RAB3C: variants seen among roughly 807,000 people sequenced by gnomAD.
The protein encoded by RAB3C is RAB3C, member RAS oncogene family.
A neutral mutation model predicts 26.4 loss-of-function variants in RAB3C; 17 were observed. The ratio of observed to expected loss-of-function variants is 0.64; its 90% CI spans 0.44 to 0.97. The LOEUF is 0.97. Ranked by LOEUF, RAB3C falls within the 50% of genes least tolerant of loss-of-function variation. RAB3C has a pLI of 0.00. For missense variants in RAB3C, 242 were observed against 281.9 expected, an observed-to-expected ratio of 0.86 and a Z score of 1.01; for synonymous variants, 91 against 95.9, an observed-to-expected ratio of 0.95 and a Z score of 0.30.
At chr5:58,764,292 G>A (rs1346246594) in intron 3 of RAB3C, among the ~76,000 whole-genome samples, 1 of 143,560 alleles carries the variant, frequency 7.0e-6, no homozygotes, top group Non-Finnish European at 1.5e-5. Context: ...TGTGCCCACG[G>A]CTATGGCCTT....
At chr5:58,636,145 TTGGA>T (rs1048942839) in intron 2 of RAB3C, among the ~76,000 whole-genome samples, 8 of 152,194 alleles carry the variant, frequency 5.3e-5, no homozygotes, top group African/African-American at 1.9e-4. Flanking sequence ...CCAATCCTTC[TTGGA>T]TGAAGAGAAT....
chr5:58,785,848 G>A (rs1033296590), intron 3 of RAB3C, among the ~76,000 whole-genome samples: 9 of 152,254 alleles, frequency 5.9e-5, no homozygotes, highest in Non-Finnish European at 1.2e-4. Context: ...GGTCCGTGAA[G>A]CAGGGGAAAT....
intron 3 of RAB3C, among the ~76,000 whole-genome samples, chr5:58,745,205 G>A (rs578136354): frequency 6.6e-6 from 1 of 151,884 alleles, no homozygotes; most frequent in South Asian, 2.1e-4. Context: ...AGACCATCCT[G>A]GCTAACACGG....
intron 2 of RAB3C, among the ~76,000 whole-genome samples, chr5:58,703,936 C>T (rs535741754): frequency 6.5e-4 from 99 of 152,210 alleles, no homozygotes; most frequent in African/African-American, 2.2e-3. Flanking sequence ...TAGAACCAAA[C>T]GAGACCTTAA....
At chr5:58,802,349 TTTA>T (rs1481440051) in intron 3 of RAB3C, among the ~76,000 whole-genome samples, 15 of 152,220 alleles carry the variant, frequency 9.9e-5, no homozygotes, top group Admixed American at 9.2e-4. Flanking sequence ...TTCAGGGTTC[TTTA>T]TTGTTTGTGC....
chr5:58,714,893 A>C (rs929863613), intron 2 of RAB3C, among the ~76,000 whole-genome samples: 1 of 152,064 alleles, frequency 6.6e-6, no homozygotes, highest in Admixed American at 6.6e-5. Context: ...GTAAATATAC[A>C]AATAAATATA....
chr5:58,657,340 G>A (rs1747802569), intron 2 of RAB3C, among the ~76,000 whole-genome samples: 1 of 150,034 alleles, frequency 6.7e-6, no homozygotes, highest in Non-Finnish European at 1.5e-5. Flanking sequence ...CACCACTAAA[G>A]AACTTACTTA....
At position 58,858,992 on chromosome 5, in the gene RAB3C, A is replaced by G. The variant is rs1161761491; in HGVS notation, c.*7641A>G. 1 of 152,228 alleles carries G rather than the reference A, an allele frequency of 6.6e-6. No homozygotes were observed. Among genetic ancestry groups the G allele is most frequent in the Non-Finnish European group, 1.5e-5 (1 of 68,036 alleles). 9.4% of individuals were successfully genotyped at this position (152,228 alleles called of 1,614,324 possible). A position where few individuals can be genotyped will look rare whatever the true frequency, so the allele number is the denominator to read the frequency against. ...ATTTTTCTGTAGCTCCATGTTTCCC[A>G]TAAAGGGCATTGGAAATGCACAGAT... On this transcript the variant is annotated 3_prime_UTR_variant, in exon 5 of 5. Coordinates refer to ENST00000282878, the MANE Select transcript of RAB3C (RefSeq NM_138453.4).
intron 3 of RAB3C, among the ~76,000 whole-genome samples, chr5:58,798,719 T>C (rs901055643): frequency 1.3e-5 from 2 of 152,250 alleles, no homozygotes; most frequent in South Asian, 2.1e-4. Flanking sequence ...TATCTCATTA[T>C]AGTTATGCAA....
intron 3 of RAB3C, among the ~76,000 whole-genome samples, chr5:58,812,422 T>A (rs1743114871): frequency 1.3e-5 from 2 of 152,124 alleles, no homozygotes; most frequent in South Asian, 4.1e-4. Context: ...CAGGAGTAGG[T>A]TTTAGCAAAC....
chr5:58,817,891 A>G (rs929950614), intron 3 of RAB3C, among the ~76,000 whole-genome samples: 9 of 152,228 alleles, frequency 5.9e-5, no homozygotes, highest in African/African-American at 2.2e-4. Flanking sequence ...TACAAACTTG[A>G]AGTAGGCTGT....
intron 3 of RAB3C, among the ~76,000 whole-genome samples, chr5:58,776,850 G>A (rs1344597980): frequency 6.6e-6 from 1 of 152,108 alleles, no homozygotes; most frequent in Non-Finnish European, 1.5e-5. Context: ...CGGAAGTTTA[G>A]TGCAGATGGG....
intron 2 of RAB3C, among the ~76,000 whole-genome samples, chr5:58,673,447 TAC>T (rs71604758): frequency 0.23 from 33,123 of 145,660 alleles, 3,584 homozygotes; most frequent in East Asian, 0.26. Flanking sequence ...GAACTAGTTA[TAC>T]ACACACACAC....
chr5:58,771,339 G>A (rs888087388), intron 3 of RAB3C, among the ~76,000 whole-genome samples: 1 of 151,994 alleles, frequency 6.6e-6, no homozygotes, highest in Non-Finnish European at 1.5e-5. Flanking sequence ...CAAGGAATAA[G>A]TATTTAGCTA....
chr5:58,814,045 G>A (rs575825892), intron 3 of RAB3C, among the ~76,000 whole-genome samples: 49 of 152,274 alleles, frequency 3.2e-4, no homozygotes, highest in Non-Finnish European at 4.7e-4. Flanking sequence ...GAAGTCTTTC[G>A]CAATCTTTCC....
At chr5:58,764,305 A>C (rs1741853963) in intron 3 of RAB3C, among the ~76,000 whole-genome samples, 1 of 152,304 alleles carries the variant, frequency 6.6e-6, no homozygotes, top group Admixed American at 6.5e-5. Context: ...ATGGCCTTTA[A>C]ATCCTAATGC....
intron 4 of RAB3C, among the ~76,000 whole-genome samples, chr5:58,837,707 C>A (rs1486656667): frequency 6.7e-6 from 1 of 150,356 alleles, no homozygotes; most frequent in African/African-American, 2.4e-5. Flanking sequence ...TACAGGTGCC[C>A]ACCACCACAC....
chr5:58,843,041 A>G (rs1743909605), intron 4 of RAB3C, among the ~76,000 whole-genome samples: 1 of 152,222 alleles, frequency 6.6e-6, no homozygotes, highest in Non-Finnish European at 1.5e-5. Flanking sequence ...GTCCTGGTTT[A>G]CCAAGTGTGT....
At chr5:58,667,105 CAG>C (rs1435135240) in intron 2 of RAB3C, among the ~76,000 whole-genome samples, 1 of 152,196 alleles carries the variant, frequency 6.6e-6, no homozygotes, top group African/African-American at 2.4e-5. Flanking sequence ...CCTTTACCAA[CAG>C]AACCACCATA....
Sources: allele counts gnomAD v4.1 joint callset (sites outside exome capture counted in the v4.1 genomes callset), GRCh38; gene constraint gnomAD v4.1.1; transcripts MANE v1.5; gene names NCBI Gene and HGNC (gene_info 2026-07-23, HGNC 2026-07-21).